DRC1: variants seen among roughly 807,000 people sequenced by gnomAD.
DRC1 encodes the protein dynein regulatory complex protein 1.
DRC1 carries 74 observed loss-of-function variants against 98.7 expected under a neutral mutation model. The observed-to-expected ratio is 0.75, with a 90% confidence interval of 0.62 to 0.91. The LOEUF is 0.91. Ranked by LOEUF, DRC1 falls within the 40% of genes least tolerant of loss-of-function variation. DRC1 has a pLI of 0.00. For synonymous variants in DRC1, 336 were observed against 334.1 expected (o/e 1.01, Z -0.06); for missense variants, 875 against 886.0 (o/e 0.99, Z 0.16).
intron 8 of DRC1, among the ~76,000 whole-genome samples, chr2:26,441,297 A>G (rs1663711252): frequency 6.6e-6 from 1 of 152,202 alleles, no homozygotes; most frequent in Non-Finnish European, 1.5e-5. Flanking sequence ...TTAGGAATTA[A>G]TTCCACTTGT....
intron 7 of DRC1, among the ~76,000 whole-genome samples, chr2:26,438,311 C>G (rs1663627255): frequency 6.6e-6 from 1 of 152,134 alleles, no homozygotes; most frequent in African/African-American, 2.4e-5. Flanking sequence ...CAGCTTCTTT[C>G]TCCTATGTCT....
chr2:26,408,273 C>T (rs1351082581), intron 1 of DRC1, among the ~76,000 whole-genome samples: 1 of 151,996 alleles, frequency 6.6e-6, no homozygotes, highest in Non-Finnish European at 1.5e-5. Context: ...GGATCTAGGG[C>T]TTGGGGGATG....
At chr2:26,452,889 C>A (rs1429647845) in intron 13 of DRC1, among the ~76,000 whole-genome samples, 1 of 152,160 alleles carries the variant, frequency 6.6e-6, no homozygotes, top group Non-Finnish European at 1.5e-5. Context: ...TATAGACATA[C>A]TATTTCCTTG....
At chr2:26,417,912 C>T (rs555286924) in intron 2 of DRC1, among the ~76,000 whole-genome samples, 2 of 152,166 alleles carry the variant, frequency 1.3e-5, no homozygotes, top group East Asian at 3.9e-4. Flanking sequence ...TATTTTTTTA[C>T]GTCTATAATC....
chr2:26,443,796 T>C (rs1264338280), intron 8 of DRC1, among the ~76,000 whole-genome samples: 2 of 152,258 alleles, frequency 1.3e-5, no homozygotes, highest in East Asian at 1.9e-4. Context: ...TTTTGTGATA[T>C]GCATTTTTTT....
chr2:26,422,233 A>T (rs370935428), intron 3 of DRC1, among the ~76,000 whole-genome samples: 155 of 152,284 alleles, frequency 1.0e-3, no homozygotes, highest in African/African-American at 3.6e-3. Flanking sequence ...ATAGCGAAGG[A>T]TGTATGCGGG....
At position 26,448,676 on chromosome 2, in the gene DRC1, A is replaced by G. The variant is rs4072407; in HGVS notation, c.1397-15A>G. ...TTCTTTTTCTTTCTCTCTCCTCCCC[A>G]TGACCCAACTGCAGAAGAGGAGGAG... On this transcript the variant is annotated splice_polypyrimidine_tract_variant and intron_variant, in intron 10 of 16. Coordinates refer to ENST00000288710, the MANE Select transcript of DRC1 (RefSeq NM_145038.5). The G allele has an allele frequency of 0.77, 1,244,580 of 1,612,870 alleles. 496,994 individuals are homozygous for G. The highest frequency in any genetic ancestry group is 0.82 in the Non-Finnish European group (970,625 of 1,179,036).
intron 1 of DRC1, among the ~76,000 whole-genome samples, chr2:26,402,774 A>T (rs956823868): frequency 6.6e-6 from 1 of 152,164 alleles, no homozygotes; most frequent in Non-Finnish European, 1.5e-5. Context: ...GGGCCTTCAT[A>T]GGGTTGATTG....
At chr2:26,452,059 C>G (rs1271272361) in intron 13 of DRC1, among the ~76,000 whole-genome samples, 1 of 149,908 alleles carries the variant, frequency 6.7e-6, no homozygotes, top group Non-Finnish European at 1.5e-5. Flanking sequence ...ATTAAAATGG[C>G]TGATTTCCAT....
chr2:26,444,294 G>C lies in DRC1; in HGVS notation c.1101G>C (p.Gln367His), dbSNP rs755740597. The C allele has an allele frequency of 1.9e-6, 3 of 1,614,072 alleles. No individual in the cohort carries two copies. In the South Asian group the frequency reaches 3.3e-5, roughly 18 times the overall value. The change falls in exon 9 of 17, where the codon CAG (glutamine) becomes CAC (histidine). Residue 367 changes from glutamine to histidine, a missense_variant. Physicochemically the swap from Gln to His is conservative, Grantham distance 24 (BLOSUM62 0). Transcript: ENST00000288710. ...TAAAGCAGTTTCAGGAGGAGAACCA[G>C]TCTCTAACCTCGGACTACAAACGTC... ...KQIKQFQEEN[Q>H]SLTSDYKRLV...
rs1160537355 is a variant in DRC1 at position 26,453,385 on chromosome 2, A to G, written c.1755A>G (p.Glu585=). The stretch of plus-strand genomic sequence containing the variant: ...TGGAGGAGACAAGCACGAGGTCAGA[A>G]TTGGAGCTGGCAGAGCAGACGGAGA... ...ASMEETSTRS[E]LELAEQTEME... is the part of the protein sequence containing the mutation. Residue 585 remains glutamate, a synonymous_variant, in exon 14 of 17, where the codon GAA becomes GAG. Transcript: ENST00000288710. 3.7e-6 allele frequency: 6 copies of G among 1,614,102 alleles called. No homozygotes were observed. Among genetic ancestry groups the G allele is most frequent in the Non-Finnish European group, 5.1e-6 (6 of 1,180,058 alleles).
At chr2:26,452,950 T>C (rs1229686182) in intron 13 of DRC1, among the ~76,000 whole-genome samples, 1 of 152,218 alleles carries the variant, frequency 6.6e-6, no homozygotes, top group Non-Finnish European at 1.5e-5. Context: ...GGGAGGTCAA[T>C]TGCATGAACT....
intron 4 of DRC1, among the ~76,000 whole-genome samples, chr2:26,426,492 G>T (rs1171329975): frequency 6.6e-6 from 1 of 151,162 alleles, no homozygotes; most frequent in African/African-American, 2.4e-5. Context: ...TCAGCCTCCC[G>T]AGAAGCTGAG....
intron 3 of DRC1, among the ~76,000 whole-genome samples, chr2:26,422,024 G>A (rs1280834452): frequency 6.6e-6 from 1 of 152,220 alleles, no homozygotes; most frequent in Admixed American, 6.5e-5. Context: ...TAGATAATGT[G>A]TAAAGGGTTG....
At chr2:26,413,072 G>A (rs533347190) in intron 1 of DRC1, among the ~76,000 whole-genome samples, 10 of 152,320 alleles carry the variant, frequency 6.6e-5, no homozygotes, top group South Asian at 4.1e-4. Flanking sequence ...GTGAGCCATC[G>A]CGCCCAGCCA....
At chr2:26,410,021 G>GA (rs1367151671) in intron 1 of DRC1, among the ~76,000 whole-genome samples, 2 of 150,434 alleles carry the variant, frequency 1.3e-5, no homozygotes, top group Non-Finnish European at 3.0e-5. Flanking sequence ...GTCTTTGGGG[G>GA]AAAAAGAGGG....
chr2:26,439,078 G>A (rs1460985480), intron 7 of DRC1, among the ~76,000 whole-genome samples: 1 of 152,114 alleles, frequency 6.6e-6, no homozygotes, highest in African/African-American at 2.4e-5. Context: ...AGCTTGGGAA[G>A]GCTCTGCTGC....
intron 1 of DRC1, among the ~76,000 whole-genome samples, chr2:26,405,473 G>A (rs534241072): frequency 4.5e-4 from 68 of 152,050 alleles, no homozygotes; most frequent in African/African-American, 1.5e-3. Flanking sequence ...GAATCCTAAC[G>A]GAAACAAGCA....
chr2:26,436,521 C>T (rs1663575031), intron 7 of DRC1, among the ~76,000 whole-genome samples: 1 of 152,102 alleles, frequency 6.6e-6, no homozygotes, highest in African/African-American at 2.4e-5. Flanking sequence ...CTTTGTTGCC[C>T]AGGGTGGTCT....
Sources: allele counts gnomAD v4.1 joint callset (sites outside exome capture counted in the v4.1 genomes callset), GRCh38; gene constraint gnomAD v4.1.1; transcripts MANE v1.5; gene names NCBI Gene and HGNC (gene_info 2026-07-23, HGNC 2026-07-21).